Variants in SLC5A12 observed in about 807,000 individuals in gnomAD.
SLC5A12 encodes solute carrier family 5 member 12.
Under a neutral mutation model 72.7 loss-of-function variants are expected in SLC5A12, and 46 were observed. The ratio of observed to expected loss-of-function variants is 0.63; its 90% CI spans 0.50 to 0.81. SLC5A12 has a LOEUF of 0.81. Among genes scored for constraint, SLC5A12 ranks in the 30% least tolerant of loss-of-function variants. The pLI is 0.00. For synonymous variants in SLC5A12, 275 were observed against 264.4 expected (o/e 1.04, Z -0.39); for missense variants, 683 against 740.7 (o/e 0.92, Z 0.90).
At chr11:26,707,364 G>GA (rs1156751262) in intron 4 of SLC5A12, among the ~76,000 whole-genome samples, 1 of 151,730 alleles carries the variant, frequency 6.6e-6, no homozygotes, top group Non-Finnish European at 1.5e-5. Flanking sequence ...TATCATATCT[G>GA]AAAAATTAGA....
chr11:26,710,346 A>C (rs1855193901), intron 3 of SLC5A12, among the ~76,000 whole-genome samples: 1 of 152,188 alleles, frequency 6.6e-6, no homozygotes, highest in Non-Finnish European at 1.5e-5. Flanking sequence ...GTGTCTTTAT[A>C]ACAGAATGAT....
At chr11:26,698,267 G>T (rs1391334633) in intron 7 of SLC5A12, 139 bp downstream of exon 7, 2 of 1,115,530 alleles carry the variant, frequency 1.8e-6, no homozygotes, top group Non-Finnish European at 2.5e-6. Flanking sequence ...TCACCCAAGA[G>T]AAGAAAGAAA....
chr11:26,696,421 G>A (rs995222611), intron 8 of SLC5A12, among the ~76,000 whole-genome samples: 2 of 152,216 alleles, frequency 1.3e-5, no homozygotes, highest in Non-Finnish European at 2.9e-5. Context: ...AAGAATAGAT[G>A]TGCAGAATAT....
chr11:26,719,490 C>A (rs1295735755), intron 1 of SLC5A12, among the ~76,000 whole-genome samples: 1 of 152,188 alleles, frequency 6.6e-6, no homozygotes, highest in Non-Finnish European at 1.5e-5. Flanking sequence ...ACTAGCTCCA[C>A]TGAGACCCCT....
In SLC5A12 at chr11:26,721,793, A is replaced by G; in HGVS notation, c.-79T>C. On this transcript the variant is annotated 5_prime_UTR_variant, in exon 1 of 15. Coordinates refer to ENST00000396005, the MANE Select transcript of SLC5A12 (RefSeq NM_178498.4). ...TGTTTCCAAAAGCAAAGTTCAGTAC[A>G]GTGGATGCTTTGCTGAGAGGAGAGA... 8.0e-7 allele frequency: 1 copy of G among 1,243,660 alleles called. No homozygotes were observed. Among genetic ancestry groups the G allele is most frequent in the Non-Finnish European group, 1.1e-6 (1 of 880,210 alleles). The allele number at this position is 1,243,660 out of a possible 1,614,324, so 77.0% of individuals were successfully genotyped here. A position where few individuals can be genotyped will look rare whatever the true frequency, so the allele number is the denominator to read the frequency against.
rs1184553743 is a variant in SLC5A12, at chr11:26,668,108, A to G, written c.*2994T>C. On this transcript the variant is annotated 3_prime_UTR_variant, in exon 15 of 15. Coordinates refer to ENST00000396005, the MANE Select transcript of SLC5A12 (RefSeq NM_178498.4). The stretch of plus-strand genomic sequence containing the variant: ...CTAAGATTTTAAAATATTGCCCAAA[A>G]TTACCTAGATTTGTGTCAGAACTCG... The G allele has an allele frequency of 6.6e-6, 1 of 151,964 alleles. No homozygotes were observed. Among genetic ancestry groups the G allele is most frequent in the Admixed American group, 6.6e-5 (1 of 15,208 alleles). The allele number at this position is 151,964 out of a possible 1,614,324, so 9.4% of individuals were successfully genotyped here.
rs192011049 is a variant in SLC5A12 at position 26,670,291 on chromosome 11, C to A, written c.*811G>T. ...TCTATCCTAACAACCTTCTATAGGA[C>A]ATTCCTTTTCTCTTTCCTTAGCCCT... On this transcript the variant is annotated 3_prime_UTR_variant, in exon 15 of 15. Transcript: ENST00000396005. 6.6e-6 allele frequency: 1 copy of A among 152,236 alleles called. No homozygotes were observed. Among genetic ancestry groups the A allele is most frequent in the East Asian group, 1.9e-4 (1 of 5,176 alleles). The allele number at this position is 152,236 out of a possible 1,614,324, so 9.4% of individuals were successfully genotyped here.
intron 6 of SLC5A12, among the ~76,000 whole-genome samples, chr11:26,702,631 G>A (rs950051444): frequency 6.6e-6 from 1 of 152,206 alleles, no homozygotes; most frequent in Non-Finnish European, 1.5e-5. Context: ...TGCAGGGCTT[G>A]GAAAATGCAT....
chr11:26,721,360 G>A lies in SLC5A12; in HGVS notation c.339+16C>T, dbSNP rs867334937. The stretch of plus-strand genomic sequence containing the variant: ...TGAGAAAAAAAAATTAGAGAAGAAT[G>A]GAGAAATCATCTTACCTCATAAGTG... On this transcript the variant is annotated intron_variant, in intron 1 of 14. Coordinates refer to ENST00000396005, the MANE Select transcript of SLC5A12 (RefSeq NM_178498.4). The A allele has an allele frequency of 6.4e-7, 1 of 1,559,034 alleles. No individual in the cohort carries two copies. The highest frequency in any genetic ancestry group is 8.7e-7 in the Non-Finnish European group (1 of 1,152,528).
At chr11:26,711,246 G>T in intron 3 of SLC5A12, 61 bp downstream of exon 3, 3 of 1,334,324 alleles carry the variant, frequency 2.2e-6, no homozygotes, top group Non-Finnish European at 3.2e-6. Flanking sequence ...TTCTAATTCT[G>T]CAAGGTGAGA....
At chr11:26,700,342 C>T (rs1854927296) in intron 6 of SLC5A12, among the ~76,000 whole-genome samples, 1 of 152,066 alleles carries the variant, frequency 6.6e-6, no homozygotes, top group Admixed American at 6.6e-5. Flanking sequence ...GCTAATTCTT[C>T]TGTTTGTAAA....
intron 8 of SLC5A12, among the ~76,000 whole-genome samples, chr11:26,696,480 T>G (rs1854816489): frequency 6.6e-6 from 1 of 152,190 alleles, no homozygotes; most frequent in Admixed American, 6.5e-5. Context: ...GAAAATGCAT[T>G]GTTAGGTGAT....
intron 13 of SLC5A12, among the ~76,000 whole-genome samples, chr11:26,678,010 T>C (rs1213213181): frequency 6.6e-6 from 1 of 151,984 alleles, no homozygotes; most frequent in African/African-American, 2.4e-5. Context: ...CATTAATACA[T>C]CAAAAGGGCA....
chr11:26,691,018 CAAT>C (rs1472630006), intron 9 of SLC5A12, among the ~76,000 whole-genome samples: 3 of 149,806 alleles, frequency 2.0e-5, no homozygotes, highest in Admixed American at 6.6e-5. Flanking sequence ...TGTTTAAAAA[CAAT>C]AAAGCTGGGA....
chr11:26,706,736 C>T (rs1269598864), intron 4 of SLC5A12, among the ~76,000 whole-genome samples: 1 of 151,468 alleles, frequency 6.6e-6, no homozygotes, highest in African/African-American at 2.4e-5. Context: ...TACTCTCTTC[C>T]TGATTTACAT....
chr11:26,681,326 C>A, intron 11 of SLC5A12, 105 bp from the exon 12 acceptor site: 2 of 944,384 alleles, frequency 2.1e-6, no homozygotes, highest in Non-Finnish European at 3.0e-6. Context: ...CTTTCCATCC[C>A]AAATCTTGGC....
chr11:26,708,815 T>C (rs915766158), intron 4 of SLC5A12, among the ~76,000 whole-genome samples: 26 of 152,178 alleles, frequency 1.7e-4, no homozygotes, highest in African/African-American at 6.3e-4. Context: ...AGCCAAGTGG[T>C]AAATGTAATC....
At position 26,680,115 on chromosome 11, in the gene SLC5A12, G is replaced by A. The variant is rs776784171; in HGVS notation, c.1475+940C>T. Among the ~76,000 whole-genome samples the A allele has an allele frequency of 2.0e-5, 3 of 151,414 alleles. No individual in the cohort carries two copies. In the South Asian group the frequency reaches 6.3e-4, roughly 32 times the overall value. On this transcript the variant is annotated intron_variant, in intron 12 of 14. Transcript: ENST00000396005. ...AGTTTGAGAAGCCTGGACTCAGAGG[G>A]AATGAGCCAGTATGGGGAGATATTG...
chr11:26,673,608 G>A, intron 13 of SLC5A12, 79 bp from the exon 14 acceptor site: 2 of 1,438,530 alleles, frequency 1.4e-6, no homozygotes, highest in South Asian at 3.2e-5. Context: ...TTGTCAACTT[G>A]AAAAGTAGGT....
Sources: allele counts gnomAD v4.1 joint callset (sites outside exome capture counted in the v4.1 genomes callset), GRCh38; gene constraint gnomAD v4.1.1; transcripts MANE v1.5; gene names NCBI Gene and HGNC (gene_info 2026-07-23, HGNC 2026-07-21).